Variants in THSD4 observed in about 807,000 individuals in gnomAD.
The protein encoded by THSD4 is thrombospondin type-1 domain-containing protein 4.
Under a neutral mutation model 119.0 loss-of-function variants are expected in THSD4, and 69 were observed. The ratio of observed to expected loss-of-function variants is 0.58; its 90% CI spans 0.48 to 0.71. The LOEUF is 0.71. THSD4 is among the 30% of genes least tolerant of loss of function. The probability of loss-of-function intolerance (pLI) is 0.00; values close to 1 mark genes in which losing one functional copy is unlikely to be tolerated. For missense variants in THSD4, 1,393 were observed against 1,391.1 expected (o/e 1.00, Z -0.02); for synonymous variants, 524 against 540.4 (o/e 0.97, Z 0.42).
In THSD4 at chr15:71,602,553, C is replaced by CAAAAAAAAAAAAAAA. The variant is rs59370074; in HGVS notation, c.1153-57964_1153-57950dup. On this transcript the variant is annotated intron_variant, in intron 7 of 17. Coordinates refer to ENST00000261862, the MANE Select transcript of THSD4 (RefSeq NM_024817.3). The stretch of plus-strand genomic sequence containing the variant: ...GGACAATAAGAGTGAAACTCTGTCT[C>CAAAAAAAAAAAAAAA]AAAAAAAAAAAAAAAAAAAAAAAAA... 9.3e-4 allele frequency among the ~76,000 whole-genome samples: 50 copies of CAAAAAAAAAAAAAAA among 53,878 alleles called. 1 individual carries two copies. Among genetic ancestry groups the CAAAAAAAAAAAAAAA allele is most frequent in the Non-Finnish European group, 1.3e-3 (39 of 29,994 alleles). The allele number at this position is 53,878 out of a possible 152,430, so 35.3% of individuals were successfully genotyped here. A position where few individuals can be genotyped will look rare whatever the true frequency, so the allele number is the denominator to read the frequency against.
At chr15:71,630,881 C>T (rs2050613418) in intron 7 of THSD4, among the ~76,000 whole-genome samples, 1 of 152,216 alleles carries the variant, frequency 6.6e-6, no homozygotes, top group Non-Finnish European at 1.5e-5. Context: ...TCCACTCCAG[C>T]TCTATCCACA....
chr15:71,652,893 A>T (rs571646705), intron 7 of THSD4, among the ~76,000 whole-genome samples: 1 of 152,204 alleles, frequency 6.6e-6, no homozygotes, highest in Non-Finnish European at 1.5e-5. Context: ...GGCATCGTCA[A>T]TTTGATCTTC....
At chr15:71,264,775 G>T (rs1217591751) in intron 6 of THSD4, among the ~76,000 whole-genome samples, 1 of 152,172 alleles carries the variant, frequency 6.6e-6, no homozygotes, top group African/African-American at 2.4e-5. Flanking sequence ...ACACTGAGAA[G>T]GTGATCCAGG....
intron 7 of THSD4, among the ~76,000 whole-genome samples, chr15:71,431,193 A>T (rs2046939392): frequency 6.6e-6 from 1 of 152,192 alleles, no homozygotes; most frequent in Non-Finnish European, 1.5e-5. Flanking sequence ...AGAATCAGTA[A>T]TGTTCAAACC....
intron 7 of THSD4, among the ~76,000 whole-genome samples, chr15:71,414,814 A>C (rs989984558): frequency 6.6e-6 from 1 of 152,208 alleles, no homozygotes. Context: ...GGATGTGAGT[A>C]TATTAATAGG....
At chr15:71,491,003 A>G (rs2047910830) in intron 7 of THSD4, among the ~76,000 whole-genome samples, 1 of 152,192 alleles carries the variant, frequency 6.6e-6, no homozygotes, top group South Asian at 2.1e-4. Flanking sequence ...ACACAACATA[A>G]AAGTGAACAT....
At chr15:71,361,589 G>A (rs544914558) in intron 6 of THSD4, among the ~76,000 whole-genome samples, 1 of 152,254 alleles carries the variant, frequency 6.6e-6, no homozygotes, top group South Asian at 2.1e-4. Flanking sequence ...AAGCAATTTG[G>A]TAATAACCAT....
intron 7 of THSD4, among the ~76,000 whole-genome samples, chr15:71,606,603 T>C (rs186662014): frequency 6.6e-6 from 1 of 152,198 alleles, no homozygotes; most frequent in Non-Finnish European, 1.5e-5. Context: ...TGCAATGGCA[T>C]GATCTCGGCT....
chr15:71,519,885 G>A (rs954283819), intron 7 of THSD4, among the ~76,000 whole-genome samples: 10 of 152,220 alleles, frequency 6.6e-5, no homozygotes, highest in African/African-American at 2.2e-4. Context: ...GATCCTCAGG[G>A]GCCAGCCAGG....
At chr15:71,610,050 T>C (rs569085128) in intron 7 of THSD4, among the ~76,000 whole-genome samples, 1 of 152,090 alleles carries the variant, frequency 6.6e-6, no homozygotes, top group Non-Finnish European at 1.5e-5. Flanking sequence ...GTGAAAACTG[T>C]TTGCAGAGAG....
intron 7 of THSD4, among the ~76,000 whole-genome samples, chr15:71,466,933 C>T (rs1000752828): frequency 5.9e-5 from 9 of 152,330 alleles, no homozygotes; most frequent in Non-Finnish European, 1.0e-4. Context: ...AGGTAGCTTC[C>T]GCAAGGGAGC....
intron 7 of THSD4, among the ~76,000 whole-genome samples, chr15:71,614,328 C>G (rs746818617): frequency 6.6e-6 from 1 of 152,200 alleles, no homozygotes; most frequent in Non-Finnish European, 1.5e-5. Flanking sequence ...ATTACCAAAA[C>G]CAATTGTCAT....
At chr15:71,202,653 C>T (rs1023345381) in intron 3 of THSD4, among the ~76,000 whole-genome samples, 2 of 152,088 alleles carry the variant, frequency 1.3e-5, no homozygotes, top group African/African-American at 2.4e-5. Context: ...AAAATTCAGC[C>T]GTTTTCCCCC....
At chr15:71,426,476 A>C (rs1259097447) in intron 7 of THSD4, among the ~76,000 whole-genome samples, 1 of 151,508 alleles carries the variant, frequency 6.6e-6, no homozygotes, top group Non-Finnish European at 1.5e-5. Flanking sequence ...ACACAAGTAG[A>C]CCCTGCTCAT....
At position 71,254,451 on chromosome 15, in the gene THSD4, C is replaced by T. The variant is rs566233471; in HGVS notation, c.913-2162C>T. On this transcript the variant is annotated intron_variant, in intron 5 of 17. Transcript: ENST00000261862. ...GCTTGGGCGTGGCCCTTCATCGCTG[C>T]TGCACAGGTTAGGATGCACAGGCCA... Among the ~76,000 whole-genome samples the T allele has an allele frequency of 8.3e-4, 127 of 152,334 alleles. 1 individual carries two copies. The highest frequency in any genetic ancestry group is 4.6e-3 in the Admixed American group (70 of 15,302).
Position 71,229,506 on chromosome 15 carries a change from T to A in THSD4, c.465-13143T>A, listed in dbSNP as rs578015497. 9.2e-5 allele frequency among the ~76,000 whole-genome samples: 14 copies of A among 152,340 alleles called. No individual in the cohort carries two copies. In the South Asian group the frequency reaches 1.9e-3, roughly 20 times the overall value. ...ATCATCCCTAAATTATATATGATACTGATACAATGTAAATACTTTGTAAAT... is the reference window on the plus strand; with the variant it reads ...ATCATCCCTAAATTATATATGATACAGATACAATGTAAATACTTTGTAAAT... On this transcript the variant is annotated intron_variant, in intron 4 of 17. Coordinates refer to ENST00000261862, the MANE Select transcript of THSD4 (RefSeq NM_024817.3).
At chr15:71,323,124 G>C (rs540618286) in intron 6 of THSD4, among the ~76,000 whole-genome samples, 1 of 144,204 alleles carries the variant, frequency 6.9e-6, no homozygotes, top group African/African-American at 2.6e-5. Context: ...AAAAAAGATC[G>C]TAGTCTTCTA....
intron 7 of THSD4, among the ~76,000 whole-genome samples, chr15:71,501,492 G>A (rs577103669): frequency 6.6e-6 from 1 of 152,180 alleles, no homozygotes; most frequent in East Asian, 1.9e-4. Flanking sequence ...TCTCCTCTAT[G>A]CTGGTATTTT....
At chr15:71,667,773 A>G (rs1431720419) in intron 8 of THSD4, among the ~76,000 whole-genome samples, 1 of 152,248 alleles carries the variant, frequency 6.6e-6, no homozygotes, top group Admixed American at 6.5e-5. Flanking sequence ...TTCAAGGAAG[A>G]CAAATGAAAT....
Sources: allele counts gnomAD v4.1 joint callset (sites outside exome capture counted in the v4.1 genomes callset), GRCh38; gene constraint gnomAD v4.1.1; transcripts MANE v1.5; gene names NCBI Gene and HGNC (gene_info 2026-07-23, HGNC 2026-07-21).